CDK5RAP2: variants seen among roughly 807,000 people sequenced by gnomAD.
CDK5RAP2 encodes the protein CDK5 regulatory subunit associated protein 2.
A neutral mutation model predicts 232.9 loss-of-function variants in CDK5RAP2; 147 were observed. That is an observed-to-expected ratio of 0.63 (90% CI 0.55 to 0.72). The LOEUF is 0.72. Among genes scored for constraint, CDK5RAP2 ranks in the 30% least tolerant of loss-of-function variants. CDK5RAP2 has a pLI of 0.00. For synonymous variants in CDK5RAP2, 833 were observed against 833.7 expected (o/e 1.00, Z 0.01); for missense variants, 2,195 against 2,231.5 (o/e 0.98, Z 0.33).
rs183657668 is a variant in CDK5RAP2 at position 120,423,406 on chromosome 9, C to A, written c.3956-665G>T. On this transcript the variant is annotated intron_variant, in intron 25 of 37. Transcript: ENST00000349780. Reference sequence around the variant, plus strand: ...TTTTAATTATTTCTTTAGGAAGGGTCTCAGAAGCAGGATTAAAACTAGGAA... The same window carrying A: ...TTTTAATTATTTCTTTAGGAAGGGTATCAGAAGCAGGATTAAAACTAGGAA... 2.0e-3 allele frequency among the ~76,000 whole-genome samples: 312 copies of A among 152,200 alleles called. 3 individuals are homozygous for A. Among genetic ancestry groups the A allele is most frequent in the Middle Eastern group, 0.01 (3 of 294 alleles).
In CDK5RAP2 at chr9:120,579,938, C is replaced by A. The variant is rs1322494999; in HGVS notation, c.41G>T (p.Gly14Val). 1 of 1,613,580 alleles carries A rather than the reference C, an allele frequency of 6.2e-7. No individual in the cohort carries two copies. Among genetic ancestry groups the A allele is most frequent in the Non-Finnish European group, 8.5e-7 (1 of 1,179,494 alleles). The change falls in exon 1 of 38, where the codon GGG (glycine) becomes GTG (valine). Residue 14 changes from glycine to valine, a missense_variant. Coordinates refer to ENST00000349780, the MANE Select transcript of CDK5RAP2 (RefSeq NM_018249.6). ...LVLEEDVTVP[G>V]TLSGCSGLVP... The stretch of plus-strand genomic sequence containing the variant: ...GCCGCACCTGCAGCCGCTGAGCGTC[C>A]CAGGGACGGTGACGTCCTCTTCCAA...
At chr9:120,409,403 A>G (rs2033705900) in intron 29 of CDK5RAP2, 87 bp from the exon 30 acceptor site, 1 of 951,928 alleles carries the variant, frequency 1.1e-6, no homozygotes, top group Admixed American at 2.1e-5. Flanking sequence ...CAAGAATACA[A>G]AAAAGAATGA....
At chr9:120,434,658 G>A (rs1588322994) in intron 25 of CDK5RAP2, among the ~76,000 whole-genome samples, 1 of 152,266 alleles carries the variant, frequency 6.6e-6, no homozygotes, top group African/African-American at 2.4e-5. Flanking sequence ...CGTGCAGAAG[G>A]CGGGGCTGCA....
intron 32 of CDK5RAP2, 60 bp downstream of exon 32, chr9:120,406,950 CAT>C (rs1396443792): frequency 5.7e-6 from 7 of 1,232,584 alleles, no homozygotes; most frequent in Admixed American, 5.2e-5. Context: ...CAGAAGTTCA[CAT>C]GTCACACACA....
chr9:120,409,329 A>C lies in CDK5RAP2; in HGVS notation c.4415-13T>G. The stretch of plus-strand genomic sequence containing the variant: ...TCCTTCTGTTTATCTGCAAACATAA[A>C]AAGGTGCCACTGAGAAGGGCCACCA... On this transcript the variant is annotated splice_polypyrimidine_tract_variant and intron_variant, in intron 29 of 37. Coordinates refer to ENST00000349780, the MANE Select transcript of CDK5RAP2 (RefSeq NM_018249.6). 6.4e-7 allele frequency: 1 copy of C among 1,567,224 alleles called. No individual in the cohort carries two copies. The highest frequency in any genetic ancestry group is 8.7e-7 in the Non-Finnish European group (1 of 1,155,658).
chr9:120,470,063 A>C (rs889801847), intron 17 of CDK5RAP2, 48 bp downstream of exon 17: 4 of 949,684 alleles, frequency 4.2e-6, no homozygotes, highest in Non-Finnish European at 5.0e-6. Context: ...TACAACAAAC[A>C]ATCTAACAAA....
intron 34 of CDK5RAP2, 22 bp downstream of exon 34, chr9:120,402,784 C>G (rs372996769): frequency 8.7e-6 from 14 of 1,613,226 alleles, no homozygotes; most frequent in Non-Finnish European, 8.5e-7. Flanking sequence ...GCTTGTGCCC[C>G]CCAGCTCTGT....
rs753794524 is a variant in CDK5RAP2 at position 120,453,848 on chromosome 9, C to T, written c.2401G>A (p.Glu801Lys). Residue 801 changes from glutamate (E) to lysine (K), a missense_variant, in exon 21 of 38, where the codon GAA becomes AAA. Coordinates refer to ENST00000349780, the MANE Select transcript of CDK5RAP2 (RefSeq NM_018249.6). ...SRPDLLKVVRELLLGQLFLTE... is the reference protein window; with the variant it reads ...SRPDLLKVVRKLLLGQLFLTE... The stretch of plus-strand genomic sequence containing the variant: ...AAGAATAGTTGTCCCAGAAGCAGTT[C>T]CCGTACCACTTTCAGAAGGTCTGGC... 2 of 1,614,188 alleles carry T rather than the reference C, an allele frequency of 1.2e-6. No individual in the cohort carries two copies. Among genetic ancestry groups the T allele is most frequent in the Admixed American group, 3.3e-5 (2 of 60,024 alleles).
intron 11 of CDK5RAP2, among the ~76,000 whole-genome samples, chr9:120,520,122 T>A (rs1005108575): frequency 2.6e-5 from 4 of 152,224 alleles, no homozygotes; most frequent in Non-Finnish European, 5.9e-5. Flanking sequence ...AATTATTATT[T>A]TTTCCTTCTT....
chr9:120,447,755 AAG>A (rs1458140151), intron 22 of CDK5RAP2, 138 bp downstream of exon 22: 2 of 760,658 alleles, frequency 2.6e-6, no homozygotes, highest in East Asian at 2.5e-5. Flanking sequence ...TGCATTTGTC[AAG>A]AGTCAAGATT....
intron 12 of CDK5RAP2, among the ~76,000 whole-genome samples, chr9:120,493,098 G>C (rs2038987370): frequency 6.6e-6 from 1 of 152,138 alleles, no homozygotes; most frequent in Admixed American, 6.5e-5. Flanking sequence ...ATATATCACT[G>C]GTTCTGAGGA....
intron 11 of CDK5RAP2, among the ~76,000 whole-genome samples, chr9:120,524,005 C>T (rs2040787769): frequency 6.6e-6 from 1 of 151,962 alleles, no homozygotes; most frequent in African/African-American, 2.4e-5. Context: ...AAGGGAGATA[C>T]GGGATGACAG....
chr9:120,507,717 C>T (rs2039878390), intron 12 of CDK5RAP2, among the ~76,000 whole-genome samples: 2 of 151,516 alleles, frequency 1.3e-5, no homozygotes, highest in Non-Finnish European at 2.9e-5. Context: ...AGAACCCTAT[C>T]CTACACCAGA....
At chr9:120,564,167 T>C (rs951057319) in intron 3 of CDK5RAP2, among the ~76,000 whole-genome samples, 3 of 152,006 alleles carry the variant, frequency 2.0e-5, no homozygotes, top group African/African-American at 7.2e-5. Context: ...GAATCTACCC[T>C]TAAAAAAAAG....
At chr9:120,574,952 G>A (rs2042978213) in intron 1 of CDK5RAP2, among the ~76,000 whole-genome samples, 1 of 151,932 alleles carries the variant, frequency 6.6e-6, no homozygotes, top group Non-Finnish European at 1.5e-5. Context: ...CCTTCCCGGA[G>A]GTTGGGGGTG....
chr9:120,404,225 G>T, intron 32 of CDK5RAP2, 112 bp from the exon 33 acceptor site: 2 of 752,294 alleles, frequency 2.7e-6, no homozygotes, highest in Non-Finnish European at 4.7e-6. Context: ...TACACACACA[G>T]CATTCCTTCA....
At chr9:120,443,336 T>A (rs992928029) in intron 23 of CDK5RAP2, among the ~76,000 whole-genome samples, 1 of 152,170 alleles carries the variant, frequency 6.6e-6, no homozygotes, top group African/African-American at 2.4e-5. Flanking sequence ...TGTCTTTTCA[T>A]GTTGAACCAC....
At chr9:120,544,315 C>G (rs1157123959) in intron 5 of CDK5RAP2, among the ~76,000 whole-genome samples, 1 of 152,194 alleles carries the variant, frequency 6.6e-6, no homozygotes, top group African/African-American at 2.4e-5. Context: ...AATTCCATTA[C>G]TGATCTTCAA....
chr9:120,422,271 G>A (rs1010356884), intron 26 of CDK5RAP2, among the ~76,000 whole-genome samples: 1 of 152,200 alleles, frequency 6.6e-6, no homozygotes, highest in Non-Finnish European at 1.5e-5. Context: ...CTATGGTGTG[G>A]AGAATAATAC....
Sources: gnomAD v4.1 joint callset for allele counts (sites outside exome capture counted in the v4.1 genomes callset) on GRCh38, gnomAD v4.1.1 for gene constraint, MANE v1.5 for transcripts, NCBI Gene and HGNC (gene_info 2026-07-23, HGNC 2026-07-21) for gene names.